The following ZMYM4 variants were observed in gnomAD, a reference collection of about 807,000 sequenced individuals.
The protein encoded by ZMYM4 is zinc finger MYM-type protein 4.
ZMYM4 carries 31 observed loss-of-function variants against 183.2 expected under a neutral mutation model. The ratio of observed to expected loss-of-function variants is 0.17; its 90% CI spans 0.13 to 0.23. The LOEUF is 0.23. ZMYM4 is among the 10% of genes least tolerant of loss of function. The probability of loss-of-function intolerance (pLI) is 1.00; values close to 1 mark genes in which losing one functional copy is unlikely to be tolerated. For missense variants in ZMYM4, 1,273 were observed against 1,840.3 expected (o/e 0.69, Z 5.64); for synonymous variants, 592 against 631.2 (o/e 0.94, Z 0.93).
At chr1:35,331,688 G>A (rs1262129356) in intron 2 of ZMYM4, among the ~76,000 whole-genome samples, 1 of 151,932 alleles carries the variant, frequency 6.6e-6, no homozygotes, top group Non-Finnish European at 1.5e-5. Flanking sequence ...CTGGGAGGCT[G>A]AGGCAGGAGA....
Position 35,419,472 on chromosome 1 carries a change from C to G in ZMYM4, c.4442C>G (p.Ser1481Cys). 1 of 1,611,154 alleles carries G rather than the reference C, an allele frequency of 6.2e-7. No individual in the cohort carries two copies. The highest frequency in any genetic ancestry group is 8.5e-7 in the Non-Finnish European group (1 of 1,179,290). The change falls in exon 30 of 30, where the codon TCT becomes TGT. Residue 1481 changes from serine (S) to cysteine (C), a missense_variant and splice_region_variant. By Grantham distance (112) the Ser-to-Cys change is moderately radical. Around this residue, in one of 6 missense-constraint regions of ZMYM4, gnomAD observed 145 missense variants for 331.6 expected, o/e 0.44. Transcript: ENST00000314607. The stretch of plus-strand genomic sequence containing the variant: ...TTTTTTTTTTCCCCTGTGGATAGTT[C>G]TGAAAGTGTGAAGCAAAGGAATGAT... ...RLYEFYLSKC[S>C]ESVKQRNDVF...
intron 1 of ZMYM4, among the ~76,000 whole-genome samples, chr1:35,302,772 T>C (rs935837315): frequency 1.8e-4 from 28 of 151,904 alleles, no homozygotes; most frequent in African/African-American, 6.8e-4. Flanking sequence ...CCTCCAGCCT[T>C]GACCTCCTAA....
chr1:35,361,876 T>C (rs1013141659), intron 5 of ZMYM4, 87 bp downstream of exon 5: 19 of 1,496,396 alleles, frequency 1.3e-5, no homozygotes, highest in Non-Finnish European at 1.7e-5. Context: ...AGAAGTGAAA[T>C]AGTTTGTTGA....
chr1:35,306,753 C>T (rs868315344), intron 1 of ZMYM4, among the ~76,000 whole-genome samples: 17 of 152,090 alleles, frequency 1.1e-4, no homozygotes, highest in Admixed American at 3.9e-4. Context: ...TGTTGTGGAC[C>T]TCCTCTACTA....
intron 7 of ZMYM4, among the ~76,000 whole-genome samples, chr1:35,372,926 G>A (rs774509403): frequency 9.9e-5 from 15 of 152,168 alleles, no homozygotes; most frequent in Non-Finnish European, 1.8e-4. Context: ...GGGAGGCTAA[G>A]GCAGGTGGAT....
chr1:35,309,921 G>GT (rs897199213), intron 1 of ZMYM4, among the ~76,000 whole-genome samples: 24 of 137,990 alleles, frequency 1.7e-4, no homozygotes, highest in East Asian at 1.0e-3. Context: ...TGTGTTGTGT[G>GT]TTTTTTTTTG....
At chr1:35,318,726 G>A (rs1400586199) in intron 1 of ZMYM4, among the ~76,000 whole-genome samples, 1 of 152,150 alleles carries the variant, frequency 6.6e-6, no homozygotes. Context: ...CCAAAGTGCT[G>A]GGATTACAGG....
In ZMYM4 at chr1:35,389,476, T is replaced by A. The variant is rs987736434; in HGVS notation, c.2436+394T>A. ...TAAAAAAAATTAGTATAAAATCAGC[T>A]GGGCGCGGTGGCTCACGCCTGTAAT... On this transcript the variant is annotated intron_variant, in intron 14 of 29. Transcript: ENST00000314607. The surrounding 1 kb of genome is among the most constrained non-coding windows in gnomAD (Gnocchi z 4.0). Among the ~76,000 whole-genome samples the A allele has an allele frequency of 6.6e-6, 1 of 152,074 alleles. No homozygotes were observed. Among genetic ancestry groups the A allele is most frequent in the Non-Finnish European group, 1.5e-5 (1 of 68,014 alleles).
intron 7 of ZMYM4, among the ~76,000 whole-genome samples, chr1:35,371,961 C>T (rs959888056): frequency 4.6e-5 from 7 of 151,942 alleles, no homozygotes; most frequent in Non-Finnish European, 1.0e-4. Flanking sequence ...GTAAAATTGC[C>T]GCTATTTAAA....
chr1:35,319,635 C>A (rs1570344155), intron 1 of ZMYM4, among the ~76,000 whole-genome samples: 2 of 151,838 alleles, frequency 1.3e-5, no homozygotes, highest in African/African-American at 4.8e-5. Flanking sequence ...AAAATTTTTC[C>A]AAAACAAATT....
chr1:35,381,820 A>T, intron 9 of ZMYM4, 62 bp downstream of exon 9: 2 of 1,566,920 alleles, frequency 1.3e-6, no homozygotes, highest in African/African-American at 1.4e-5. Flanking sequence ...ATTTTTAGTC[A>T]GAATTATTTA....
At chr1:35,393,817 C>T in intron 18 of ZMYM4, 78 bp downstream of exon 18, 1 of 1,435,458 alleles carries the variant, frequency 7.0e-7, no homozygotes, top group Non-Finnish European at 9.3e-7. Context: ...TGAGTACCTG[C>T]TATTTCCTAG....
At chr1:35,418,050 C>A (rs1310076550) in intron 28 of ZMYM4, among the ~76,000 whole-genome samples, 1 of 151,980 alleles carries the variant, frequency 6.6e-6, no homozygotes, top group Admixed American at 6.6e-5. Flanking sequence ...TTGATCTCTA[C>A]TGTAGGAGAA....
intron 29 of ZMYM4, 142 bp downstream of exon 29, chr1:35,418,714 CTA>C: frequency 3.0e-6 from 3 of 1,014,736 alleles, no homozygotes; most frequent in South Asian, 1.6e-5. Context: ...ATTGTCATAT[CTA>C]TGTGGATTTT....
At chr1:35,270,629 G>A (rs757881755) in intron 1 of ZMYM4, among the ~76,000 whole-genome samples, 50 of 152,034 alleles carry the variant, frequency 3.3e-4, no homozygotes, top group Non-Finnish European at 5.9e-4. Context: ...GCGTGGTGGC[G>A]GGTGCCTGTA....
chr1:35,331,693 A>C (rs931278418), intron 2 of ZMYM4, among the ~76,000 whole-genome samples: 18 of 151,918 alleles, frequency 1.2e-4, no homozygotes, highest in African/African-American at 4.4e-4. Flanking sequence ...AGGCTGAGGC[A>C]GGAGAATCAC....
intron 2 of ZMYM4, among the ~76,000 whole-genome samples, chr1:35,329,325 T>TA: frequency 6.6e-6 from 1 of 152,352 alleles, no homozygotes; most frequent in African/African-American, 2.4e-5. Context: ...CATGGTGTGT[T>TA]AGAGGAAATG....
rs1447093468 is a variant in ZMYM4 at position 35,359,229 on chromosome 1, T to G, written c.390T>G (p.Ile130Met). 2 of 1,610,054 alleles carry G rather than the reference T, an allele frequency of 1.2e-6. No homozygotes were observed. The highest frequency in any genetic ancestry group is 1.7e-5 in the Admixed American group (1 of 59,366). Residue 130 changes from isoleucine to methionine, a missense_variant, in exon 3 of 30, where the codon ATT (isoleucine) becomes ATG (methionine). Around this residue, in one of 6 missense-constraint regions of ZMYM4, gnomAD observed 384 missense variants for 465.6 expected, o/e 0.82. Transcript: ENST00000314607. ...HESDNENEIQ[I>M]QNKLKKDFPK... ...CAGACAATGAAAATGAAATACAAAT[T>G]CAAAATAAGTTAAAAAAAGACTTTC...
intron 15 of ZMYM4, among the ~76,000 whole-genome samples, chr1:35,391,285 T>C (rs138127206): frequency 1.8e-3 from 270 of 152,318 alleles, no homozygotes; most frequent in African/African-American, 6.4e-3. Context: ...GCCGTGCTCC[T>C]GGGGCTACCT....
Sources: gnomAD v4.1 joint callset for allele counts (sites outside exome capture counted in the v4.1 genomes callset) on GRCh38, gnomAD v4.1.1 for gene constraint, gnomAD v4.1.1 regional missense constraint, Gnocchi (gnomAD v3.1) non-coding constraint, MANE v1.5 for transcripts, NCBI Gene and HGNC (gene_info 2026-07-23, HGNC 2026-07-21) for gene names.